WRN: variants seen among roughly 807,000 people sequenced by gnomAD.
WRN encodes the protein bifunctional 3'-5' exonuclease/ATP-dependent helicase WRN.
WRN carries 149 observed loss-of-function variants against 180.7 expected under a neutral mutation model. The observed-to-expected ratio is 0.82, with a 90% CI of 0.72 to 0.94. The LOEUF is 0.94. WRN is among the 40% of genes least tolerant of loss of function. The pLI is 0.00. For synonymous variants in WRN, 548 were observed against 568.9 expected (o/e 0.96, Z 0.52); for missense variants, 1,661 against 1,700.1 (o/e 0.98, Z 0.40).
chr8:31,114,219 A>G (rs1354176201), intron 19 of WRN, among the ~76,000 whole-genome samples: 1 of 152,094 alleles, frequency 6.6e-6, no homozygotes. Flanking sequence ...AAATTCCTTT[A>G]ATTTGTTTAT....
Position 31,047,992 on chromosome 8 carries a change from TACTA to T in WRN, c.-76-10374_-76-10371del, listed in dbSNP as rs1185107159. On this transcript the variant is annotated intron_variant, in intron 1 of 34. Transcript: ENST00000298139. The stretch of plus-strand genomic sequence containing the variant: ...CGTAGCTTTTATCCTTTACCCTTGT[TACTA>T]ACTAAAATTAATGGCATTTTATTGT... Among the ~76,000 whole-genome samples the T allele has an allele frequency of 3.9e-5, 6 of 152,248 alleles. No homozygotes were observed. The South Asian group carries it at 8.3e-4, about 21-fold the overall frequency.
In WRN at chr8:31,132,475, T is replaced by A. The variant is rs775356894; in HGVS notation, c.2936T>A (p.Ile979Asn). ...AVDILGEKFG[I>N]GLPILFLRGS... is the part of the protein sequence containing the mutation. The stretch of plus-strand genomic sequence containing the variant: ...GACATCTTAGGCGAAAAATTTGGAA[T>A]TGGGCTTCCAATTTTATTTCTCCGA... Residue 979 changes from isoleucine (I) to asparagine (N), a missense_variant, in exon 24 of 35, where the codon ATT becomes AAT. Physicochemically the swap from Ile to Asn is moderately radical, Grantham distance 149. Transcript: ENST00000298139. The A allele has an allele frequency of 6.2e-7, 1 of 1,614,166 alleles. No individual in the cohort carries two copies. Among genetic ancestry groups the A allele is most frequent in the Non-Finnish European group, 8.5e-7 (1 of 1,180,016 alleles).
intron 10 of WRN, among the ~76,000 whole-genome samples, chr8:31,084,126 G>A (rs528397682): frequency 6.6e-6 from 1 of 152,258 alleles, no homozygotes; most frequent in Admixed American, 6.5e-5. Flanking sequence ...AGCCTCCCGA[G>A]TAGCTGGGAT....
intron 1 of WRN, among the ~76,000 whole-genome samples, chr8:31,045,727 TA>T (rs760606146): frequency 2.0e-5 from 3 of 152,196 alleles, no homozygotes; most frequent in East Asian, 3.8e-4. Context: ...ACTGTAGTTT[TA>T]AAAGTTTCAT....
intron 1 of WRN, among the ~76,000 whole-genome samples, chr8:31,047,451 T>C (rs981718061): frequency 2.6e-5 from 4 of 152,176 alleles, no homozygotes; most frequent in Admixed American, 2.0e-4. Flanking sequence ...TGAATCATCA[T>C]TGCAGCAAGA....
At chr8:31,093,733 C>G (rs148634138) in intron 16 of WRN, among the ~76,000 whole-genome samples, 1 of 152,284 alleles carries the variant, frequency 6.6e-6, no homozygotes, top group East Asian at 1.9e-4. Flanking sequence ...TGAACATATT[C>G]ATCACCCACA....
chr8:31,125,537 G>GAT (rs71206299), intron 23 of WRN, among the ~76,000 whole-genome samples: 5,583 of 63,582 alleles, frequency 0.088, 612 homozygotes, highest in Middle Eastern at 0.18. Context: ...ATATTATGGA[G>GAT]ATATATATAT....
At chr8:31,132,591 G>A (rs758877659) in intron 24 of WRN, 85 bp downstream of exon 24, 93 of 1,588,762 alleles carry the variant, frequency 5.9e-5, no homozygotes, top group Non-Finnish European at 7.7e-5. Context: ...TATTATGATT[G>A]TAGCTTTGAC....
In WRN at chr8:31,116,359, A is replaced by G; in HGVS notation, c.2279A>G (p.His760Arg). The G allele has an allele frequency of 6.2e-7, 1 of 1,613,800 alleles. No homozygotes were observed. The highest frequency in any genetic ancestry group is 1.1e-5 in the South Asian group (1 of 91,074). ...TTGTTCTTCTTTTTCTTTAGTTCCCACTGGGAATTTGAAGGTCCAACAATC... is the reference window on the plus strand; with the variant it reads ...TTGTTCTTCTTTTTCTTTAGTTCCCGCTGGGAATTTGAAGGTCCAACAATC... Reference protein sequence around the residue: ...LQPFLVKTSSHWEFEGPTIIY... With the variant: ...LQPFLVKTSSRWEFEGPTIIY... The change falls in exon 20 of 35, where the codon CAC becomes CGC. Residue 760 changes from histidine to arginine, a missense_variant. Physicochemically the swap from His to Arg is conservative, Grantham distance 29. Around this residue, in one of 3 missense-constraint regions of WRN, gnomAD observed 1,141 missense variants for 1,149.4 expected, o/e 0.99. Coordinates refer to ENST00000298139, the MANE Select transcript of WRN (RefSeq NM_000553.6).
intron 30 of WRN, 133 bp downstream of exon 30, chr8:31,147,609 G>C: frequency 1.2e-6 from 1 of 806,380 alleles, no homozygotes; most frequent in South Asian, 1.5e-5. Flanking sequence ...CCCCTGCTGC[G>C]ATGCTTATCT....
chr8:31,132,705 T>C (rs1166316177), intron 24 of WRN, among the ~76,000 whole-genome samples, 199 bp downstream of exon 24: 2 of 152,218 alleles, frequency 1.3e-5, no homozygotes, highest in Non-Finnish European at 2.9e-5. Context: ...TTCTGCTGTT[T>C]TCATGTTCAA....
intron 1 of WRN, among the ~76,000 whole-genome samples, chr8:31,055,957 C>T (rs1812256358): frequency 6.6e-6 from 1 of 152,112 alleles, no homozygotes; most frequent in Non-Finnish European, 1.5e-5. Context: ...TTTTATCTAT[C>T]CCAAGATACA....
At chr8:31,067,250 A>G (rs940853459) in intron 6 of WRN, 68 bp downstream of exon 6, 30 of 1,562,116 alleles carry the variant, frequency 1.9e-5, no homozygotes, top group Non-Finnish European at 2.5e-5. Context: ...GACTTTAGAA[A>G]AATTTTATTA....
chr8:31,168,367 GTAACT>G (rs1485833426), intron 34 of WRN, among the ~76,000 whole-genome samples: 2 of 152,080 alleles, frequency 1.3e-5, no homozygotes. Context: ...AGAAAACGGT[GTAACT>G]TACTATTTTT....
At chr8:31,089,027 G>A (rs532717969) in intron 13 of WRN, 62 bp downstream of exon 13, 2 of 1,460,478 alleles carry the variant, frequency 1.4e-6, no homozygotes, top group African/African-American at 2.8e-5. Context: ...CAAGGGAAAA[G>A]GCAAATAACC....
At chr8:31,067,213 ATG>A in intron 6 of WRN, 31 bp downstream of exon 6, 4 of 1,611,208 alleles carry the variant, frequency 2.5e-6, no homozygotes, top group Non-Finnish European at 3.4e-6. Flanking sequence ...AGAAATTGTG[ATG>A]TGTTTTAAAA....
At chr8:31,102,660 G>A (rs1281804975) in intron 18 of WRN, among the ~76,000 whole-genome samples, 1 of 152,192 alleles carries the variant, frequency 6.6e-6, no homozygotes, top group East Asian at 1.9e-4. Context: ...ACCTGTATAG[G>A]GTGCTTCCTG....
chr8:31,119,422 T>C (rs1801636150), intron 20 of WRN, among the ~76,000 whole-genome samples: 1 of 152,022 alleles, frequency 6.6e-6, no homozygotes, highest in South Asian at 2.1e-4. Context: ...TTTATTTGTG[T>C]ATTAGTCGTA....
intron 18 of WRN, among the ~76,000 whole-genome samples, chr8:31,105,322 C>G (rs1216647364): frequency 6.6e-6 from 1 of 152,128 alleles, no homozygotes; most frequent in Admixed American, 6.5e-5. Context: ...TCTTTCCTTA[C>G]TGTCTCTTTA....
Sources: allele counts gnomAD v4.1 joint callset (sites outside exome capture counted in the v4.1 genomes callset), GRCh38; gene constraint gnomAD v4.1.1; regional missense constraint gnomAD v4.1.1; transcripts MANE v1.5; gene names NCBI Gene and HGNC (gene_info 2026-07-23, HGNC 2026-07-21).